ZNF708: variants seen among roughly 807,000 people sequenced by gnomAD.
The protein encoded by ZNF708 is ZNF15, ZNF15L1.
In ZNF708, 44 loss-of-function variants were observed where a neutral mutation model predicts 47.0. The observed-to-expected ratio is 0.94, with a 90% confidence interval of 0.74 to 1.20. The LOEUF (loss-of-function observed/expected upper bound fraction) is 1.20, where lower values mean the gene tolerates loss of function less well. Among genes scored for constraint, ZNF708 ranks in the 50% most tolerant of loss-of-function variants. The probability of loss-of-function intolerance (pLI) is 0.00; values close to 1 mark genes in which losing one functional copy is unlikely to be tolerated. For synonymous variants in ZNF708, 184 were observed against 218.5 expected, an observed-to-expected ratio of 0.84 and a Z score of 1.39; for missense variants, 557 against 656.0, an observed-to-expected ratio of 0.85 and a Z score of 1.65.
At position 21,294,657 on chromosome 19, in the gene ZNF708, A is replaced by T; in HGVS notation, c.309T>A (p.Tyr103Ter). 1 of 1,614,086 alleles carries T rather than the reference A, an allele frequency of 6.2e-7. No homozygotes were observed. The highest frequency in any genetic ancestry group is 8.5e-7 in the Non-Finnish European group (1 of 1,179,984). The part of the protein sequence containing the change: ...NSFQQVILRR[Y>*]GKCGYQKGCK... ...AGCCTTTCTGATATCCACATTTTCC[A>T]TATCTTCTCAGTATCACTTGTTGGA... Residue 103 changes from tyrosine (Y) to a stop codon, truncating the protein, a stop_gained, in exon 4 of 4, where the codon TAT becomes TAA. Transcript: ENST00000356929. LOFTEE classifies it high-confidence loss of function.
chr19:21,296,171 GA>G (rs879585748), intron 3 of ZNF708, among the ~76,000 whole-genome samples: 165 of 143,836 alleles, frequency 1.1e-3, no homozygotes, highest in Middle Eastern at 7.1e-3. Context: ...AAGTCCTGGG[GA>G]AAAAAAAAAA....
chr19:21,323,177 A>G (rs1973186550), intron 1 of ZNF708, among the ~76,000 whole-genome samples: 1 of 152,220 alleles, frequency 6.6e-6, no homozygotes, highest in Non-Finnish European at 1.5e-5. Flanking sequence ...TTCTCCAGGA[A>G]CAGTTTATCG....
At chr19:21,319,065 T>C (rs2928198) in intron 1 of ZNF708, among the ~76,000 whole-genome samples, 12 of 152,304 alleles carry the variant, frequency 7.9e-5, no homozygotes, top group African/African-American at 2.6e-4. Flanking sequence ...AGTTTAAACA[T>C]TTTATATTTC....
At chr19:21,315,845 T>C (rs932133692) in intron 1 of ZNF708, among the ~76,000 whole-genome samples, 7 of 152,068 alleles carry the variant, frequency 4.6e-5, no homozygotes, top group Non-Finnish European at 8.8e-5. Context: ...GGTAACTACA[T>C]AGCTCAAAGA....
intron 2 of ZNF708, among the ~76,000 whole-genome samples, chr19:21,310,206 G>A (rs543827178): frequency 1.4e-4 from 21 of 152,068 alleles, no homozygotes; most frequent in Non-Finnish European, 2.9e-4. Context: ...CAGCACTTTG[G>A]GAGGCTGAGG....
In ZNF708 at chr19:21,293,791, T is replaced by C; in HGVS notation, c.1175A>G (p.Tyr392Cys). Residue 392 changes from tyrosine (Y) to cysteine (C), a missense_variant, in exon 4 of 4, where the codon TAC becomes TGC. Coordinates refer to ENST00000356929, the MANE Select transcript of ZNF708 (RefSeq NM_021269.3). Reference protein sequence around the residue: ...HKVIHTGEKPYKCEECGKAFT... With the variant: ...HKVIHTGEKPCKCEECGKAFT... ...GGCTTTACCACATTCTTCACATTTG[T>C]AGGGTTTCTCTCCAGTATGAATTAC... The C allele has an allele frequency of 6.2e-7, 1 of 1,613,666 alleles. No homozygotes were observed. The highest frequency in any genetic ancestry group is 8.5e-7 in the Non-Finnish European group (1 of 1,179,872).
intron 3 of ZNF708, among the ~76,000 whole-genome samples, chr19:21,298,944 C>T (rs1036204367): frequency 4.6e-5 from 7 of 151,980 alleles, no homozygotes; most frequent in African/African-American, 1.4e-4. Context: ...CAAAATGAAA[C>T]GAGCCAGTCA....
At chr19:21,314,410 A>T (rs1252338345) in intron 1 of ZNF708, among the ~76,000 whole-genome samples, 1 of 152,240 alleles carries the variant, frequency 6.6e-6, no homozygotes, top group African/African-American at 2.4e-5. Context: ...GCAAGATAAA[A>T]GAAATCAAAA....
chr19:21,296,373 G>C (rs1167156126), intron 3 of ZNF708, among the ~76,000 whole-genome samples: 3 of 151,964 alleles, frequency 2.0e-5, no homozygotes, highest in African/African-American at 7.3e-5. Flanking sequence ...GTGGTCACGT[G>C]CCCCTGTAAT....
In ZNF708 at chr19:21,293,737, T is replaced by C. The variant is rs887749308; in HGVS notation, c.1229A>G (p.His410Arg). 1.5e-5 allele frequency: 24 copies of C among 1,613,514 alleles called. No homozygotes were observed. The African/African-American group carries it at 2.7e-4, about 18-fold the overall frequency. Residue 410 changes from histidine (H) to arginine (R), a missense_variant, in exon 4 of 4, where the codon CAT becomes CGT. Coordinates refer to ENST00000356929, the MANE Select transcript of ZNF708 (RefSeq NM_021269.3). ...TTTCTTTCCAGTATGAATTACCTTA[T>C]GATAAGTAAGAGTTGAGGACTTGGT... Reference protein sequence around the residue: ...AFTKSSTLTYHKVIHTGKKPY... With the variant: ...AFTKSSTLTYRKVIHTGKKPY...
chr19:21,322,122 G>C (rs1050761763), intron 1 of ZNF708, among the ~76,000 whole-genome samples: 3 of 152,106 alleles, frequency 2.0e-5, no homozygotes, highest in African/African-American at 2.4e-5. Context: ...TTTGTAGCAA[G>C]AAACACCAGG....
At chr19:21,299,082 A>G (rs1972601738) in intron 3 of ZNF708, among the ~76,000 whole-genome samples, 1 of 152,206 alleles carries the variant, frequency 6.6e-6, no homozygotes, top group Non-Finnish European at 1.5e-5. Context: ...ATTTAGCTTT[A>G]CGGCCAGGCA....
At chr19:21,310,217 C>A (rs146874409) in intron 2 of ZNF708, among the ~76,000 whole-genome samples, 2,040 of 151,874 alleles carry the variant, frequency 0.013, 49 homozygotes, top group African/African-American at 0.047. Flanking sequence ...GAGGCTGAGG[C>A]GGGCAGACCC....
chr19:21,318,855 T>A (rs1235352476), intron 1 of ZNF708: 1 of 152,174 alleles, frequency 6.6e-6, no homozygotes, highest in Non-Finnish European at 1.5e-5. Flanking sequence ...GCATTCCAAT[T>A]TAGTAAAATG....
In ZNF708 at chr19:21,293,501, A is replaced by C. The variant is rs774287297; in HGVS notation, c.1465T>G (p.Ser489Ala). The C allele has an allele frequency of 1.9e-6, 3 of 1,613,388 alleles. No homozygotes were observed. The highest frequency in any genetic ancestry group is 1.1e-5 in the South Asian group (1 of 91,026). Residue 489 changes from serine to alanine, a missense_variant, in exon 4 of 4, where the codon TCT becomes GCT. By Grantham distance (99) the Ser-to-Ala change is moderately conservative. Transcript: ENST00000356929. ...EECGKSFILSSHLTTHKIIHT... is the reference protein window; with the variant it reads ...EECGKSFILSAHLTTHKIIHT... ...ATTATCTTATGTGTAGTAAGATGAGAGGACAGAATAAAGCTTTTGCCACAT... is the reference window on the plus strand; with the variant it reads ...ATTATCTTATGTGTAGTAAGATGAGCGGACAGAATAAAGCTTTTGCCACAT...
rs1391041399 is a variant in ZNF708 at position 21,293,347 on chromosome 19, G to A, written c.1619C>T (p.Ala540Val). The A allele has an allele frequency of 6.2e-7, 1 of 1,613,492 alleles. No homozygotes were observed. Among genetic ancestry groups the A allele is most frequent in the Non-Finnish European group, 8.5e-7 (1 of 1,179,728 alleles). Reference sequence around the variant, plus strand: ...AGTAAGGTTTGGGGACTGGTTAAAGGCTTTGCCACATTCTTCACATTTGTA... The same window carrying A: ...AGTAAGGTTTGGGGACTGGTTAAAGACTTTGCCACATTCTTCACATTTGTA... The part of the protein sequence containing the change: ...KPYKCEECGK[A>V]FNQSPNLTKH... The change falls in exon 4 of 4, where the codon GCC (alanine) becomes GTC (valine). Residue 540 changes from alanine (A) to valine (V), a missense_variant. By Grantham distance (64) the Ala-to-Val change is moderately conservative. Transcript: ENST00000356929.
chr19:21,307,046 T>C (rs1001086508), intron 3 of ZNF708: 9 of 102,522 alleles, frequency 8.8e-5, no homozygotes, highest in African/African-American at 3.5e-4. Flanking sequence ...TAAAATAAAA[T>C]AAAATAAAAT....
intron 3 of ZNF708, among the ~76,000 whole-genome samples, chr19:21,299,012 A>G (rs1425853690): frequency 1.3e-5 from 2 of 152,292 alleles, no homozygotes; most frequent in African/African-American, 4.8e-5. Context: ...CAGAACAAGA[A>G]TGGTGTTTGA....
At position 21,294,592 on chromosome 19, in the gene ZNF708, T is replaced by A; in HGVS notation, c.374A>T (p.His125Leu). Residue 125 changes from histidine (H) to leucine (L), a missense_variant, in exon 4 of 4, where the codon CAC (histidine) becomes CTC (leucine). His to Leu is a moderately conservative substitution (Grantham distance 99). Coordinates refer to ENST00000356929, the MANE Select transcript of ZNF708 (RefSeq NM_021269.3). ...TGTCACACACCGGTTAAGTCCCTTGTGACCTCCTTTGTGCAACTTATGCTC... is the reference window on the plus strand; with the variant it reads ...TGTCACACACCGGTTAAGTCCCTTGAGACCTCCTTTGTGCAACTTATGCTC... The part of the protein sequence containing the change: ...VDEHKLHKGG[H>L]KGLNRCVTTT... The A allele has an allele frequency of 6.2e-7, 1 of 1,614,156 alleles. No homozygotes were observed. The highest frequency in any genetic ancestry group is 8.5e-7 in the Non-Finnish European group (1 of 1,179,996).
Sources: gnomAD v4.1 joint callset for allele counts (sites outside exome capture counted in the v4.1 genomes callset) on GRCh38, gnomAD v4.1.1 for gene constraint, MANE v1.5 for transcripts, NCBI Gene and HGNC (gene_info 2026-07-23, HGNC 2026-07-21) for gene names.